The following TMEM63A variants were observed in gnomAD, a reference collection of about 807,000 sequenced individuals.
TMEM63A encodes transmembrane protein 63A.
TMEM63A carries 76 observed loss-of-function variants against 100.6 expected under a neutral mutation model. That is an observed-to-expected ratio of 0.76 (90% CI 0.63 to 0.91). The LOEUF is 0.91. Ranked by LOEUF, TMEM63A falls within the 40% of genes least tolerant of loss-of-function variation. The pLI is 0.00. For missense variants in TMEM63A, 876 were observed against 1,008.8 expected (o/e 0.87, Z 1.78); for synonymous variants, 401 against 401.1 (o/e 1.00, Z 0.00).
chr1:225,880,476 G>A (rs1671035685), intron 1 of TMEM63A, among the ~76,000 whole-genome samples: 1 of 152,116 alleles, frequency 6.6e-6, no homozygotes, highest in Non-Finnish European at 1.5e-5. Context: ...GCTGTATAGA[G>A]GAGGCCAAAC....
chr1:225,842,525 C>T, downstream of TMEM63A: 1 of 1,225,934 alleles, frequency 8.2e-7, no homozygotes, highest in Non-Finnish European at 1.2e-6. Flanking sequence ...CAGCAGCCAA[C>T]CTCCTCACCC....
intron 23 of TMEM63A, chr1:225,848,099 C>T (rs2102809266): frequency 5.3e-6 from 1 of 188,952 alleles, no homozygotes; most frequent in South Asian, 1.6e-4. Context: ...CTGCCTGACA[C>T]CCTCTTGGAG....
intron 5 of TMEM63A, chr1:225,871,727 G>A (rs918707765): frequency 4.3e-6 from 2 of 462,814 alleles, no homozygotes; most frequent in African/African-American, 2.0e-5. Context: ...CAAAGCCATA[G>A]GTGTAAGAGA....
chr1:225,849,727 C>T (rs1330936285), intron 21 of TMEM63A, among the ~76,000 whole-genome samples, 185 bp downstream of exon 21: 1 of 151,954 alleles, frequency 6.6e-6, no homozygotes, highest in Non-Finnish European at 1.5e-5. Flanking sequence ...TCTGACTAGA[C>T]ATGTAACCAA....
chr1:225,848,276 C>G, intron 23 of TMEM63A: 1 of 566,754 alleles, frequency 1.8e-6, no homozygotes, highest in South Asian at 2.3e-5. Context: ...GGCCATGAAT[C>G]GAGACAAGAC....
In TMEM63A at chr1:225,850,658, A is replaced by G. The variant is rs920874784; in HGVS notation, c.1904-579T>C. ...CCTGGCATTGAGGACTACACTGCAG[A>G]CTCAGGCTGCAGAGCCCCTTAGCCG... On this transcript the variant is annotated intron_variant, in intron 20 of 24. Coordinates refer to ENST00000366835, the MANE Select transcript of TMEM63A (RefSeq NM_014698.3). Among the ~76,000 whole-genome samples the G allele has an allele frequency of 3.9e-5, 6 of 152,102 alleles. No individual in the cohort carries two copies. The East Asian group carries it at 1.2e-3, about 29-fold the overall frequency.
intron 13 of TMEM63A, chr1:225,861,794 CCA>C (rs71662636): frequency 0.27 from 55,702 of 209,686 alleles, 8,150 homozygotes; most frequent in South Asian, 0.44. Flanking sequence ...GGGGTCTTCC[CCA>C]CAGCTTTGCA....
downstream of TMEM63A, chr1:225,844,754 T>G: frequency 1.4e-6 from 2 of 1,425,914 alleles, no homozygotes; most frequent in South Asian, 2.5e-5. Flanking sequence ...CAGGGGCCCT[T>G]GGATGGGAAC....
chr1:225,878,133 C>G (rs1470125157), intron 2 of TMEM63A, among the ~76,000 whole-genome samples: 1 of 152,194 alleles, frequency 6.6e-6, no homozygotes, highest in Non-Finnish European at 1.5e-5. Context: ...CCACTGCTCA[C>G]AGAATGTCAG....
intron 15 of TMEM63A, among the ~76,000 whole-genome samples, chr1:225,857,394 G>A (rs1293024905): frequency 2.5e-4 from 33 of 133,036 alleles, no homozygotes; most frequent in African/African-American, 8.5e-4. Context: ...CGGGGGGGGG[G>A]GGGTGCCCTG....
intron 2 of TMEM63A, among the ~76,000 whole-genome samples, chr1:225,877,859 G>C (rs1012736129): frequency 2.0e-5 from 3 of 152,224 alleles, no homozygotes; most frequent in African/African-American, 7.2e-5. Flanking sequence ...CAGATCCCCA[G>C]AGGGGGCGAC....
chr1:225,865,968 C>G lies in TMEM63A; in HGVS notation c.676-1G>C, dbSNP rs780648189. ...CTGTGATGAACAGGGTCCGCCTCAC[C>G]TGTCCGGGAAATACAGCAGGGAGAG... On this transcript the variant is annotated splice_acceptor_variant, in intron 9 of 24. Coordinates refer to ENST00000366835, the MANE Select transcript of TMEM63A (RefSeq NM_014698.3). LOFTEE classifies it high-confidence loss of function. This position sits in a 1 kb window ranked among gnomAD's most constrained non-coding sequence, Gnocchi z 4.6. The G allele has an allele frequency of 2.5e-6, 4 of 1,613,708 alleles. No individual in the cohort carries two copies. In the East Asian group the frequency reaches 6.7e-5, roughly 27 times the overall value.
At chr1:225,842,246 CGAA>C (rs915285982), downstream of TMEM63A, 9 of 778,778 alleles carry the variant, frequency 1.2e-5, no homozygotes, top group African/African-American at 1.2e-4. Context: ...GGCCTGTGCT[CGAA>C]CGTGGCTTCC....
chr1:225,848,532 T>C lies in TMEM63A; in HGVS notation c.2210A>G (p.Lys737Arg). ...NYKTEEPASD[K>R]GSEAEAHMPP... ...CATGTGGGCCTCTGCCTCACTTCCT[T>C]TGTCACTTGCAGGCTCTTCTGTCTG... is the stretch of plus-strand genomic sequence containing the variant. The change falls in exon 23 of 25, where the codon AAA (lysine) becomes AGA (arginine). Residue 737 changes from lysine to arginine, a missense_variant. Lys to Arg is a conservative substitution (Grantham distance 26). Around this residue, in one of 5 missense-constraint regions of TMEM63A, gnomAD observed 339 missense variants for 342.3 expected, o/e 0.99. Transcript: ENST00000366835. 1 of 1,614,114 alleles carries C rather than the reference T, an allele frequency of 6.2e-7. No individual in the cohort carries two copies.
At position 225,862,983 on chromosome 1, in the gene TMEM63A, C is replaced by A. The variant is rs548847725; in HGVS notation, c.747-132G>T. 31 of 788,482 alleles carry A rather than the reference C, an allele frequency of 3.9e-5. No individual in the cohort carries two copies. In the African/African-American group the frequency reaches 5.2e-4, roughly 13 times the overall value. 48.8% of individuals were successfully genotyped at this position (788,482 alleles called of 1,614,324 possible). A position where few individuals can be genotyped will look rare whatever the true frequency, so the allele number is the denominator to read the frequency against. ...CTGCTGGTTTCTGTGCCAGCGGAGA[C>A]CTCTCTTCTCTTTGTCTTTTATCCT... On this transcript the variant is annotated intron_variant, in intron 10 of 24. Coordinates refer to ENST00000366835, the MANE Select transcript of TMEM63A (RefSeq NM_014698.3). The surrounding 1 kb of genome is among the most constrained non-coding windows in gnomAD (Gnocchi z 5.1).
chr1:225,861,174 A>G (rs975117560), intron 13 of TMEM63A, 177 bp from the exon 14 acceptor site: 2 of 591,866 alleles, frequency 3.4e-6, no homozygotes, highest in African/African-American at 3.8e-5. Flanking sequence ...GTGTGTGGAG[A>G]ATTTTGTTTA....
chr1:225,871,193 A>G, intron 5 of TMEM63A, 80 bp from the exon 6 acceptor site: 5 of 1,457,876 alleles, frequency 3.4e-6, no homozygotes, highest in Non-Finnish European at 4.7e-6. Context: ...TTTGACATTA[A>G]ATAACCATTT....
At position 225,867,424 on chromosome 1, in the gene TMEM63A, T is replaced by G. The variant is rs368600294; in HGVS notation, c.515-261A>C. On this transcript the variant is annotated intron_variant, in intron 7 of 24. Coordinates refer to ENST00000366835, the MANE Select transcript of TMEM63A (RefSeq NM_014698.3). This position sits in a 1 kb window ranked among gnomAD's most constrained non-coding sequence, Gnocchi z 4.6. ...TTTTGTTTTGAGAAAACTAAAAACA[T>G]CCTATGTTGTTACAAAACCAACGTT... 5.3e-4 allele frequency among the ~76,000 whole-genome samples: 81 copies of G among 152,284 alleles called. 2 individuals carry two copies. The highest frequency in any genetic ancestry group is 1.8e-3 in the African/African-American group (76 of 41,562).
chr1:225,872,022 A>T lies in TMEM63A; in HGVS notation c.298T>A (p.Ser100Thr). 6.2e-7 allele frequency: 1 copy of T among 1,613,776 alleles called. No homozygotes were observed. Among genetic ancestry groups the T allele is most frequent in the Non-Finnish European group, 8.5e-7 (1 of 1,179,728 alleles). ...TCAAAGTCTTGTTGACCTGAGGAGG[A>T]AGTCGATGACAATCTCTGAAATCTG... ...ESRFQRLSST[S>T]SSGQQDFENE... is the part of the protein sequence containing the mutation. Residue 100 changes from serine to threonine, a missense_variant, in exon 5 of 25, where the codon TCC becomes ACC. Physicochemically the swap from Ser to Thr is moderately conservative, Grantham distance 58. Around this residue, in one of 5 missense-constraint regions of TMEM63A, gnomAD observed 487 missense variants for 581.9 expected, o/e 0.84. Transcript: ENST00000366835.
Sources: gnomAD v4.1 joint callset for allele counts (sites outside exome capture counted in the v4.1 genomes callset) on GRCh38, gnomAD v4.1.1 for gene constraint, gnomAD v4.1.1 regional missense constraint, Gnocchi (gnomAD v3.1) non-coding constraint, MANE v1.5 for transcripts, NCBI Gene and HGNC (gene_info 2026-07-23, HGNC 2026-07-21) for gene names.